The following COL14A1 variants were observed in gnomAD, a reference collection of about 807,000 sequenced individuals.
COL14A1 encodes collagen alpha-1(XIV) chain.
COL14A1 carries 136 observed loss-of-function variants against 230.3 expected under a neutral mutation model. The ratio of observed to expected loss-of-function variants is 0.59; its 90% CI spans 0.51 to 0.68. The LOEUF (loss-of-function observed/expected upper bound fraction) is 0.68, where lower values mean the gene tolerates loss of function less well. Ranked by LOEUF, COL14A1 falls within the 30% of genes least tolerant of loss-of-function variation. The pLI, the probability that COL14A1 is intolerant of heterozygous loss-of-function variation, is 0.00. For missense variants in COL14A1, 1,976 were observed against 2,215.8 expected (o/e 0.89, Z 2.17); for synonymous variants, 792 against 784.1 (o/e 1.01, Z -0.17).
chr8:120,212,387 A>G, intron 12 of COL14A1, 61 bp from the exon 13 acceptor site: 1 of 1,578,614 alleles, frequency 6.3e-7, no homozygotes, highest in South Asian at 1.1e-5. Flanking sequence ...GTTCTGTTCC[A>G]CTCTGATCAG....
chr8:120,210,054 C>T (rs1313604615), intron 12 of COL14A1, among the ~76,000 whole-genome samples, 153 bp downstream of exon 12: 1 of 144,486 alleles, frequency 6.9e-6, no homozygotes, highest in Non-Finnish European at 1.5e-5. Flanking sequence ...GAGAGATAGC[C>T]ATTGTTAACA....
intron 1 of COL14A1, among the ~76,000 whole-genome samples, chr8:120,134,152 T>A (rs920360677): frequency 2.0e-5 from 3 of 152,026 alleles, no homozygotes; most frequent in Admixed American, 2.0e-4. Flanking sequence ...GATGGACTAT[T>A]GTATAAAAAA....
intron 33 of COL14A1, among the ~76,000 whole-genome samples, chr8:120,286,200 G>A (rs1450219397): frequency 1.3e-5 from 2 of 152,012 alleles, no homozygotes; most frequent in Non-Finnish European, 2.9e-5. Context: ...AAATAAGGGG[G>A]CACTTTCCTC....
intron 19 of COL14A1, among the ~76,000 whole-genome samples, chr8:120,234,255 C>T (rs1446930057): frequency 6.6e-6 from 1 of 152,166 alleles, no homozygotes; most frequent in Non-Finnish European, 1.5e-5. Context: ...ATGTCATCTG[C>T]AAACAGAGAC....
intron 42 of COL14A1, among the ~76,000 whole-genome samples, chr8:120,334,453 C>T (rs1260518385): frequency 1.6e-4 from 25 of 152,078 alleles, no homozygotes; most frequent in Admixed American, 1.6e-3. Context: ...AGAAGAAAAT[C>T]TGATTGCTTT....
At chr8:120,349,010 G>C (rs1822645206) in intron 45 of COL14A1, among the ~76,000 whole-genome samples, 1 of 152,162 alleles carries the variant, frequency 6.6e-6, no homozygotes, top group Non-Finnish European at 1.5e-5. Flanking sequence ...GAAGGGAGCA[G>C]TGGTTCTCCC....
intron 5 of COL14A1, among the ~76,000 whole-genome samples, chr8:120,172,887 A>C (rs1354747698): frequency 6.6e-6 from 1 of 152,190 alleles, no homozygotes; most frequent in Non-Finnish European, 1.5e-5. Flanking sequence ...TTACAGCTTA[A>C]TGTCTTGATT....
At chr8:120,232,450 A>G (rs1818304442) in intron 19 of COL14A1, among the ~76,000 whole-genome samples, 1 of 152,018 alleles carries the variant, frequency 6.6e-6, no homozygotes, top group South Asian at 2.1e-4. Context: ...CCAGTGTGTA[A>G]TGTTCCCCTC....
chr8:120,370,277 G>T, intron 47 of COL14A1: 1 of 1,558,692 alleles, frequency 6.4e-7, no homozygotes, highest in Non-Finnish European at 8.8e-7. Flanking sequence ...TTGCTGATGT[G>T]TTTTTCTCTG....
chr8:120,188,442 T>A (rs1199774341), intron 5 of COL14A1, among the ~76,000 whole-genome samples: 3 of 152,202 alleles, frequency 2.0e-5, no homozygotes, highest in Non-Finnish European at 2.9e-5. Flanking sequence ...AAATCGCTAG[T>A]TCTTCCAACT....
intron 1 of COL14A1, among the ~76,000 whole-genome samples, chr8:120,143,505 C>G (rs1814987079): frequency 6.6e-6 from 1 of 152,084 alleles, no homozygotes; most frequent in African/African-American, 2.4e-5. Context: ...GGTGCACATG[C>G]CTGTAATCCC....
intron 1 of COL14A1, among the ~76,000 whole-genome samples, chr8:120,139,921 A>G (rs939622222): frequency 1.3e-5 from 2 of 152,100 alleles, no homozygotes; most frequent in East Asian, 3.9e-4. Flanking sequence ...CCAGCTACTC[A>G]GGAGGCTGAG....
chr8:120,372,878 A>C lies in COL14A1; in HGVS notation c.*1647A>C, dbSNP rs1469389362. 6.6e-6 allele frequency among the ~76,000 whole-genome samples: 1 copy of C among 152,042 alleles called. No individual in the cohort carries two copies. Among genetic ancestry groups the C allele is most frequent in the Non-Finnish European group, 1.5e-5 (1 of 68,006 alleles). ...CAGTTTTTTTGGTGTCTTTGCAGGGAATGAAAGAAGATAATGAGCAGATAA... is the reference window on the plus strand; with the variant it reads ...CAGTTTTTTTGGTGTCTTTGCAGGGCATGAAAGAAGATAATGAGCAGATAA... On this transcript the variant is annotated 3_prime_UTR_variant, in exon 48 of 48. Transcript: ENST00000297848.
intron 36 of COL14A1, among the ~76,000 whole-genome samples, chr8:120,304,588 A>G (rs1676415073): frequency 6.6e-6 from 1 of 152,218 alleles, no homozygotes; most frequent in South Asian, 2.1e-4. Context: ...GAATGAAACC[A>G]TTTAACTTCA....
chr8:120,147,739 T>C (rs1406208413), intron 1 of COL14A1, 67 bp from the exon 2 acceptor site: 2 of 782,366 alleles, frequency 2.6e-6, no homozygotes, highest in African/African-American at 1.8e-5. Flanking sequence ...TATTCGCCTG[T>C]CCTAAATGAT....
chr8:120,210,542 C>A (rs1817587976), intron 12 of COL14A1, among the ~76,000 whole-genome samples: 1 of 152,122 alleles, frequency 6.6e-6, no homozygotes, highest in African/African-American at 2.4e-5. Context: ...CTCATTGGTG[C>A]AAAATTTTGA....
intron 14 of COL14A1, among the ~76,000 whole-genome samples, chr8:120,222,839 C>T (rs555047126): frequency 3.3e-5 from 5 of 152,230 alleles, no homozygotes; most frequent in African/African-American, 1.2e-4. Context: ...GGAGCTTAAA[C>T]TCTATGCAGG....
rs572187942 is a variant in COL14A1, at chr8:120,296,827, G to T, written c.4237-684G>T. ...AATGGCTTAAATAAGAATACACATA[G>T]CTTACATTCTCACAATACTGAATGT... is the stretch of plus-strand genomic sequence containing the variant. On this transcript the variant is annotated intron_variant, in intron 34 of 47. Transcript: ENST00000297848. Among the ~76,000 whole-genome samples the T allele has an allele frequency of 9.2e-5, 14 of 151,988 alleles. No individual in the cohort carries two copies. The East Asian group carries it at 2.7e-3, about 29-fold the overall frequency.
At chr8:120,208,122 C>G (rs1817500031) in intron 10 of COL14A1, 110 bp from the exon 11 acceptor site, 1 of 1,152,020 alleles carries the variant, frequency 8.7e-7, no homozygotes, top group East Asian at 2.6e-5. Context: ...GTGGCACAAA[C>G]AAGAAAATAT....
Sources: allele counts gnomAD v4.1 joint callset (sites outside exome capture counted in the v4.1 genomes callset), GRCh38; gene constraint gnomAD v4.1.1; transcripts MANE v1.5; gene names NCBI Gene and HGNC (gene_info 2026-07-23, HGNC 2026-07-21).